The following TAF4B variants were observed in gnomAD, a reference collection of about 807,000 sequenced individuals.
The protein encoded by TAF4B is TATA-box binding protein associated factor 4b.
Under a neutral mutation model 86.4 loss-of-function variants are expected in TAF4B, and 38 were observed. That is an observed-to-expected ratio of 0.44 (90% confidence interval 0.34 to 0.58). TAF4B has a LOEUF of 0.58. TAF4B is among the 20% of genes least tolerant of loss of function. The probability of loss-of-function intolerance (pLI) is 0.02; values close to 1 mark genes in which losing one functional copy is unlikely to be tolerated. For missense variants in TAF4B, 988 were observed against 1,027.6 expected (o/e 0.96, Z 0.53); for synonymous variants, 388 against 391.2 (o/e 0.99, Z 0.10).
chr18:26,238,062 G>A (rs940762284), intron 1 of TAF4B, among the ~76,000 whole-genome samples: 6 of 152,088 alleles, frequency 3.9e-5, no homozygotes, highest in Admixed American at 6.6e-5. Flanking sequence ...CCACAAAGAG[G>A]ACCAAGGAAT....
chr18:26,351,293 A>T (rs1460219502), intron 13 of TAF4B, among the ~76,000 whole-genome samples: 1 of 152,194 alleles, frequency 6.6e-6, no homozygotes, highest in Admixed American at 6.5e-5. Context: ...GTTTTCACTG[A>T]TCTGTGAAAG....
rs934682686 is a variant in TAF4B at position 26,391,629 on chromosome 18, T to C, written c.*1617T>C. 2 of 152,186 alleles carry C rather than the reference T, an allele frequency of 1.3e-5. No individual in the cohort carries two copies. The highest frequency in any genetic ancestry group is 4.8e-5 in the African/African-American group (2 of 41,456). 9.4% of individuals were successfully genotyped at this position (152,186 alleles called of 1,614,324 possible). A position where few individuals can be genotyped will look rare whatever the true frequency, so the allele number is the denominator to read the frequency against. ...ACTCATTTGTGTATAATCTTACTGA[T>C]CAGATGTTTAAAATTATTCCAAATA... On this transcript the variant is annotated 3_prime_UTR_variant, in exon 15 of 15. Coordinates refer to ENST00000269142, the MANE Select transcript of TAF4B (RefSeq NM_005640.3).
In TAF4B at chr18:26,335,200, A is replaced by C. The variant is rs1169428350; in HGVS notation, c.2285A>C (p.Glu762Ala). The change falls in exon 13 of 15, where the codon GAA becomes GCA. Residue 762 changes from glutamate (E) to alanine (A), a missense_variant. Coordinates refer to ENST00000269142, the MANE Select transcript of TAF4B (RefSeq NM_005640.3). ...AKSRSNKEDPEQLRLKQKAKE... is the reference protein window; with the variant it reads ...AKSRSNKEDPAQLRLKQKAKE... ...AGTCGTTCTAATAAAGAAGATCCAGAACAGCTGAGATTAAAGCAGAAAGCC... is the reference window on the plus strand; with the variant it reads ...AGTCGTTCTAATAAAGAAGATCCAGCACAGCTGAGATTAAAGCAGAAAGCC... The C allele has an allele frequency of 6.2e-7, 1 of 1,613,560 alleles. No homozygotes were observed. The highest frequency in any genetic ancestry group is 1.7e-5 in the Admixed American group (1 of 60,014).
At chr18:26,296,195 C>T (rs2144621469) in intron 9 of TAF4B, among the ~76,000 whole-genome samples, 1 of 152,090 alleles carries the variant, frequency 6.6e-6, no homozygotes, top group South Asian at 2.1e-4. Context: ...ACTGTTTGGT[C>T]CTTTTTTGTC....
At chr18:26,385,676 A>C in intron 14 of TAF4B, among the ~76,000 whole-genome samples, 1 of 85,856 alleles carries the variant, frequency 1.2e-5, no homozygotes, top group Non-Finnish European at 2.3e-5. Context: ...AAGAATAAAC[A>C]GCGTTTTTTT....
chr18:26,310,787 C>G (rs1028122515), intron 9 of TAF4B, among the ~76,000 whole-genome samples: 1 of 152,056 alleles, frequency 6.6e-6, no homozygotes, highest in African/African-American at 2.4e-5. Context: ...CTAGAGCCAA[C>G]CAGTTACCAC....
intron 13 of TAF4B, among the ~76,000 whole-genome samples, chr18:26,338,852 C>T (rs954220920): frequency 2.6e-5 from 4 of 152,264 alleles, no homozygotes; most frequent in Non-Finnish European, 5.9e-5. Flanking sequence ...CATGTAAGGA[C>T]AAATTGTGTT....
At chr18:26,334,768 C>A (rs890054245) in intron 12 of TAF4B, among the ~76,000 whole-genome samples, 6 of 152,118 alleles carry the variant, frequency 3.9e-5, no homozygotes, top group Admixed American at 2.0e-4. Flanking sequence ...CCTCGAAATA[C>A]CTATGTTTTC....
chr18:26,371,404 C>T (rs2057405136), intron 14 of TAF4B, among the ~76,000 whole-genome samples: 10 of 152,158 alleles, frequency 6.6e-5, no homozygotes, highest in Admixed American at 6.5e-4. Flanking sequence ...GCCTCACCAC[C>T]CTTCAGGAGC....
intron 5 of TAF4B, 79 bp downstream of exon 5, chr18:26,275,132 A>G (rs1332260018): frequency 6.5e-6 from 9 of 1,379,628 alleles, no homozygotes; most frequent in South Asian, 3.3e-5. Context: ...ATATTTTTAA[A>G]TGGGATTTAT....
At chr18:26,364,876 A>G (rs1048878189) in intron 14 of TAF4B, among the ~76,000 whole-genome samples, 1 of 152,116 alleles carries the variant, frequency 6.6e-6, no homozygotes, top group African/African-American at 2.4e-5. Flanking sequence ...GATTAGCTAC[A>G]TGGTGCTTAT....
intron 13 of TAF4B, among the ~76,000 whole-genome samples, chr18:26,354,756 C>G (rs1447279529): frequency 6.6e-6 from 1 of 152,146 alleles, no homozygotes; most frequent in Admixed American, 6.5e-5. Flanking sequence ...GTTCTGTTAA[C>G]CTATGTGTCT....
At chr18:26,369,564 T>C (rs563004076) in intron 14 of TAF4B, among the ~76,000 whole-genome samples, 3 of 152,320 alleles carry the variant, frequency 2.0e-5, no homozygotes, top group South Asian at 2.1e-4. Context: ...CCATATTCTT[T>C]TGCTTAGAAG....
intron 13 of TAF4B, among the ~76,000 whole-genome samples, chr18:26,342,123 A>T (rs1385817724): frequency 6.6e-6 from 1 of 152,084 alleles, no homozygotes; most frequent in Non-Finnish European, 1.5e-5. Context: ...CTTTATGTGT[A>T]CTTAACGTTA....
chr18:26,293,062 A>T (rs759785282), intron 8 of TAF4B, among the ~76,000 whole-genome samples: 1 of 152,198 alleles, frequency 6.6e-6, no homozygotes, highest in African/African-American at 2.4e-5. Flanking sequence ...AATCAGTCTT[A>T]CCCAAGTCAG....
Position 26,236,493 on chromosome 18 carries a change from G to A in TAF4B, c.343+9217G>A, listed in dbSNP as rs141860036. Among the ~76,000 whole-genome samples, 1,126 of 152,256 alleles carry A rather than the reference G, an allele frequency of 7.4e-3. 11 individuals are homozygous for A. Among genetic ancestry groups the A allele is most frequent in the Non-Finnish European group, 0.01 (690 of 68,008 alleles). ...AGTCCTGTTGTTGGATCATCTGGTC[G>A]GGGGCCTCTGGCTCAGAGAACCTTT... On this transcript the variant is annotated intron_variant, in intron 1 of 14. Transcript: ENST00000269142.
chr18:26,276,273 A>G (rs867753560), intron 5 of TAF4B, among the ~76,000 whole-genome samples: 1 of 152,106 alleles, frequency 6.6e-6, no homozygotes, highest in South Asian at 2.1e-4. Flanking sequence ...CTACCAAATT[A>G]TATGCCTTTG....
At chr18:26,227,991 A>G (rs1240200579) in intron 1 of TAF4B, among the ~76,000 whole-genome samples, 3 of 152,250 alleles carry the variant, frequency 2.0e-5, no homozygotes, top group African/African-American at 2.4e-5. Flanking sequence ...AACACGTGCC[A>G]CAGTTGACAA....
chr18:26,344,902 C>T (rs1296460267), intron 13 of TAF4B, among the ~76,000 whole-genome samples: 1 of 152,128 alleles, frequency 6.6e-6, no homozygotes, highest in Non-Finnish European at 1.5e-5. Flanking sequence ...GTCCTGTCTT[C>T]CCCACCTGGA....
Sources: gnomAD v4.1 joint callset for allele counts (sites outside exome capture counted in the v4.1 genomes callset) on GRCh38, gnomAD v4.1.1 for gene constraint, MANE v1.5 for transcripts, NCBI Gene and HGNC (gene_info 2026-07-23, HGNC 2026-07-21) for gene names.